Variants in FAM91A1 observed in about 807,000 individuals in gnomAD.
FAM91A1 encodes the protein protein FAM91A1.
In FAM91A1, 41 loss-of-function variants were observed where a neutral mutation model predicts 113.5. The ratio of observed to expected loss-of-function variants is 0.36; its 90% confidence interval spans 0.28 to 0.47. The LOEUF is 0.47. Among genes scored for constraint, FAM91A1 ranks in the 20% least tolerant of loss-of-function variants. The probability of loss-of-function intolerance (pLI) is 1.00; values close to 1 mark genes in which losing one functional copy is unlikely to be tolerated. For missense variants in FAM91A1, 696 were observed against 1,001.2 expected (o/e 0.70, Z 4.11); for synonymous variants, 307 against 347.9 (o/e 0.88, Z 1.31).
At chr8:123,774,015 T>C (rs945330609) in intron 1 of FAM91A1, 65 bp from the exon 2 acceptor site, 2 of 1,291,408 alleles carry the variant, frequency 1.5e-6, no homozygotes, top group African/African-American at 3.0e-5. Context: ...AAGTGTGTTA[T>C]GGGAAAAAAT....
At position 123,814,310 on chromosome 8, in the gene FAM91A1, A is replaced by T; in HGVS notation, c.*1606A>T. 5.0e-6 allele frequency: 1 copy of T among 200,456 alleles called. No homozygotes were observed. Among genetic ancestry groups the T allele is most frequent in the Non-Finnish European group, 1.0e-5 (1 of 96,582 alleles). 12.4% of individuals were successfully genotyped at this position (200,456 alleles called of 1,614,324 possible). A position where few individuals can be genotyped will look rare whatever the true frequency, so the allele number is the denominator to read the frequency against. On this transcript the variant is annotated 3_prime_UTR_variant, in exon 24 of 24. Transcript: ENST00000334705. ...GTGCCATTAGGTATGTATGTATGTA[A>T]CTTTTACAGTTTTTCAGCTGAAAGT...
At chr8:123,785,556 A>C in intron 10 of FAM91A1, 73 bp from the exon 11 acceptor site, 1 of 1,045,976 alleles carries the variant, frequency 9.6e-7, no homozygotes, top group Non-Finnish European at 1.4e-6. Flanking sequence ...CTATTACACT[A>C]TTTTTTCTCT....
At chr8:123,788,572 T>A (rs1815312038) in intron 14 of FAM91A1, among the ~76,000 whole-genome samples, 1 of 152,176 alleles carries the variant, frequency 6.6e-6, no homozygotes, top group Admixed American at 6.5e-5. Context: ...CCTTTGCTAT[T>A]AATTGGTCTC....
At chr8:123,774,786 A>G (rs1220354785) in intron 2 of FAM91A1, among the ~76,000 whole-genome samples, 1 of 152,216 alleles carries the variant, frequency 6.6e-6, no homozygotes, top group African/African-American at 2.4e-5. Context: ...TAATTTTTAA[A>G]AATAGACTTG....
chr8:123,792,987 CCTT>C (rs1313853006), intron 15 of FAM91A1, among the ~76,000 whole-genome samples: 2 of 152,168 alleles, frequency 1.3e-5, no homozygotes, highest in South Asian at 2.1e-4. Context: ...AAGCTTCTCT[CCTT>C]CTTCCAGCCC....
At chr8:123,770,020 T>G (rs1171911698) in intron 1 of FAM91A1, among the ~76,000 whole-genome samples, 1 of 152,146 alleles carries the variant, frequency 6.6e-6, no homozygotes, top group African/African-American at 2.4e-5. Flanking sequence ...TGGTGTGATC[T>G]CCGCTCACTG....
intron 1 of FAM91A1, among the ~76,000 whole-genome samples, chr8:123,772,789 T>C (rs1184760409): frequency 6.6e-6 from 1 of 152,210 alleles, no homozygotes; most frequent in Non-Finnish European, 1.5e-5. Context: ...CATAACACAG[T>C]TGATGAACAC....
At chr8:123,782,149 C>A (rs1040418831) in intron 8 of FAM91A1, among the ~76,000 whole-genome samples, 1 of 152,118 alleles carries the variant, frequency 6.6e-6, no homozygotes, top group African/African-American at 2.4e-5. Context: ...TTGAAAAAAG[C>A]AGTCAGAGAA....
intron 3 of FAM91A1, among the ~76,000 whole-genome samples, chr8:123,775,835 T>G (rs1365377058): frequency 6.6e-6 from 1 of 152,008 alleles, no homozygotes; most frequent in East Asian, 1.9e-4. Context: ...CGTGGTGGTG[T>G]GCACCTGTAA....
At position 123,785,127 on chromosome 8, in the gene FAM91A1, AT is replaced by A; in HGVS notation, c.849+13del. On this transcript the variant is annotated intron_variant, in intron 10 of 23. Transcript: ENST00000334705. ...GACTTATCCCTGGTTAAGGTATGTTATTTTTATACTCATTTACTGGTGATGT... is the reference window on the plus strand; with the variant it reads ...GACTTATCCCTGGTTAAGGTATGTTATTTTATACTCATTTACTGGTGATGT... The A allele has an allele frequency of 6.3e-7, 1 of 1,584,370 alleles. No individual in the cohort carries two copies. Among genetic ancestry groups the A allele is most frequent in the Non-Finnish European group, 8.6e-7 (1 of 1,168,142 alleles).
intron 14 of FAM91A1, chr8:123,788,360 T>C (rs749460908): frequency 1.7e-6 from 1 of 580,710 alleles, no homozygotes; most frequent in African/African-American, 2.0e-5. Context: ...ATAGTTTGTG[T>C]GCCTAATCTG....
At position 123,787,286 on chromosome 8, in the gene FAM91A1, G is replaced by A; in HGVS notation, c.1104G>A (p.Leu368=). ...DPADTASVSS[L]SLSTGHTKRI... ...CTGACACAGCCAGTGTAAGCAGCCT[G>A]AGTCTGTCTACAGGACACACGAAGC... The change falls in exon 13 of 24, where the codon CTG becomes CTA. Residue 368 remains leucine (L), a synonymous_variant. Coordinates refer to ENST00000334705, the MANE Select transcript of FAM91A1 (RefSeq NM_144963.4). 1 of 1,611,246 alleles carries A rather than the reference G, an allele frequency of 6.2e-7. No individual in the cohort carries two copies. The highest frequency in any genetic ancestry group is 1.1e-5 in the South Asian group (1 of 90,918).
In FAM91A1 at chr8:123,778,021, T is replaced by C; in HGVS notation, c.368-4T>C. 1 of 1,610,710 alleles carries C rather than the reference T, an allele frequency of 6.2e-7. No individual in the cohort carries two copies. Among genetic ancestry groups the C allele is most frequent in the Non-Finnish European group, 8.5e-7 (1 of 1,178,048 alleles). On this transcript the variant is annotated splice_region_variant and splice_polypyrimidine_tract_variant and intron_variant, in intron 4 of 23. Transcript: ENST00000334705. Reference sequence around the variant, plus strand: ...GTTTTTAAAGGAAAGACTCTTTTTTTCAGGTCTAAGGCTTCTTGGCATAGG... The same window carrying C: ...GTTTTTAAAGGAAAGACTCTTTTTTCCAGGTCTAAGGCTTCTTGGCATAGG...
chr8:123,774,047 AGTT>A lies in FAM91A1; in HGVS notation c.73-29_73-27del, dbSNP rs1419980158. ...AAATAGTACTATTGTTCAGTTTGGA[AGTT>A]GTTTAAAATCTTTTTGAAATTTCTC... On this transcript the variant is annotated intron_variant, in intron 1 of 23. Transcript: ENST00000334705. The A allele has an allele frequency of 5.8e-6, 9 of 1,557,660 alleles. No individual in the cohort carries two copies. The African/African-American group carries it at 1.1e-4, about 19-fold the overall frequency.
intron 12 of FAM91A1, among the ~76,000 whole-genome samples, chr8:123,786,869 A>G (rs577457382): frequency 2.6e-5 from 4 of 152,342 alleles, no homozygotes; most frequent in Admixed American, 2.6e-4. Flanking sequence ...ACGGGCACCA[A>G]TTATAATGCT....
At chr8:123,777,140 C>T (rs1815004330) in intron 3 of FAM91A1, 125 bp from the exon 4 acceptor site, 1 of 702,396 alleles carries the variant, frequency 1.4e-6, no homozygotes, top group South Asian at 2.0e-5. Flanking sequence ...CTCTAGGTAG[C>T]CAAACTATGA....
At chr8:123,805,978 G>A (rs1815792746) in intron 19 of FAM91A1, 102 bp from the exon 20 acceptor site, 1 of 1,144,530 alleles carries the variant, frequency 8.7e-7, no homozygotes, top group Non-Finnish European at 1.2e-6. Context: ...ATGTATTAAA[G>A]TATAAAAGTA....
chr8:123,774,814 C>T (rs934360241), intron 2 of FAM91A1, among the ~76,000 whole-genome samples: 17 of 152,146 alleles, frequency 1.1e-4, no homozygotes, highest in Admixed American at 6.5e-5. Flanking sequence ...TGAAAACGAG[C>T]ATTCAGTTTG....
chr8:123,787,452 T>C (rs1414752905), intron 13 of FAM91A1, 79 bp downstream of exon 13: 18 of 1,167,400 alleles, frequency 1.5e-5, no homozygotes, highest in Non-Finnish European at 2.1e-5. Flanking sequence ...TTTTATATCT[T>C]TTTTAAAGTA....
Sources: allele counts gnomAD v4.1 joint callset (sites outside exome capture counted in the v4.1 genomes callset), GRCh38; gene constraint gnomAD v4.1.1; transcripts MANE v1.5; gene names NCBI Gene and HGNC (gene_info 2026-07-23, HGNC 2026-07-21).